Variants in CTH observed in about 807,000 individuals in gnomAD.
The protein encoded by CTH is cystathionine gamma-lyase.
Under a neutral mutation model 50.6 loss-of-function variants are expected in CTH, and 41 were observed. That is an observed-to-expected ratio of 0.81 (90% CI 0.63 to 1.05). CTH has a LOEUF of 1.05. Among genes scored for constraint, CTH ranks in the 50% least tolerant of loss-of-function variants. The pLI, the probability that CTH is intolerant of heterozygous loss-of-function variation, is 0.00. For missense variants in CTH, 470 were observed against 492.6 expected (o/e 0.95, Z 0.43); for synonymous variants, 156 against 168.9 (o/e 0.92, Z 0.59).
chr1:70,433,683 C>A lies in CTH; in HGVS notation c.878-145C>A, dbSNP rs1370848464. 3.1e-6 allele frequency: 4 copies of A among 1,295,600 alleles called. No homozygotes were observed. In the African/African-American group the frequency reaches 4.4e-5, roughly 14 times the overall value. 80.3% of individuals were successfully genotyped at this position (1,295,600 alleles called of 1,614,324 possible). A position where few individuals can be genotyped will look rare whatever the true frequency, so the allele number is the denominator to read the frequency against. On this transcript the variant is annotated intron_variant, in intron 8 of 11. Coordinates refer to ENST00000370938, the MANE Select transcript of CTH (RefSeq NM_001902.6). ...ACATGAAGCTGGAGAGATAGGGGCC[C>A]AAGCAAGTAGTCAGATGTGAGCATG...
chr1:70,411,412 C>A lies in CTH; in HGVS notation c.-4C>A, dbSNP rs1683958601. On this transcript the variant is annotated 5_prime_UTR_variant, in exon 1 of 12. Transcript: ENST00000370938. ...TTTCCTCTCTTCTTCTTTCGCGGTTCAGCATGCAGGAAAAAGACGCCTCCT... is the reference window on the plus strand; with the variant it reads ...TTTCCTCTCTTCTTCTTTCGCGGTTAAGCATGCAGGAAAAAGACGCCTCCT... The A allele has an allele frequency of 6.2e-7, 1 of 1,614,000 alleles. No homozygotes were observed. Among genetic ancestry groups the A allele is most frequent in the Non-Finnish European group, 8.5e-7 (1 of 1,179,844 alleles).
Position 70,433,796 on chromosome 1 carries a change from A to G in CTH, c.878-32A>G, listed in dbSNP as rs367695849. The G allele has an allele frequency of 1.7e-5, 27 of 1,611,174 alleles. No individual in the cohort carries two copies. The South Asian group carries it at 2.9e-4, about 17-fold the overall frequency. On this transcript the variant is annotated intron_variant, in intron 8 of 11. Transcript: ENST00000370938. ...CCCCAAAAATTACATGTTTAATTCT[A>G]AAATAAGACTTATGATACCTTATGA...
intron 10 of CTH, 144 bp from the exon 11 acceptor site, chr1:70,438,544 T>G (rs534512761): frequency 2.5e-6 from 2 of 811,788 alleles, no homozygotes; most frequent in East Asian, 5.2e-5. Flanking sequence ...TAATTTTCTC[T>G]TTTTTTGCCT....
intron 2 of CTH, among the ~76,000 whole-genome samples, chr1:70,416,567 T>A (rs560349018): frequency 6.7e-6 from 1 of 149,180 alleles, no homozygotes; most frequent in Non-Finnish European, 1.5e-5. Context: ...TAATTTTTTT[T>A]TTTTTTTTTT....
intron 3 of CTH, 86 bp from the exon 4 acceptor site, chr1:70,421,480 T>C: frequency 7.2e-7 from 1 of 1,388,638 alleles, no homozygotes; most frequent in Admixed American, 1.7e-5. Context: ...GAGTTCCATA[T>C]ATTTTGTAAG....
intron 1 of CTH, among the ~76,000 whole-genome samples, chr1:70,415,097 G>A (rs183436677): frequency 2.0e-4 from 30 of 152,276 alleles, no homozygotes; most frequent in African/African-American, 7.0e-4. Flanking sequence ...ACTTCCTGTT[G>A]TATGCTAAAT....
At chr1:70,422,681 A>C (rs1684252030) in intron 4 of CTH, among the ~76,000 whole-genome samples, 1 of 140,314 alleles carries the variant, frequency 7.1e-6, no homozygotes, top group Non-Finnish European at 1.5e-5. Context: ...GCGCAATCCC[A>C]GCTCACTGCA....
chr1:70,423,304 G>A (rs962897949), intron 4 of CTH, among the ~76,000 whole-genome samples: 1 of 151,880 alleles, frequency 6.6e-6, no homozygotes, highest in Non-Finnish European at 1.5e-5. Context: ...GGGCACAGTG[G>A]CTCATGCCTG....
At chr1:70,439,017 T>A in intron 11 of CTH, 84 bp from the exon 12 acceptor site, 1 of 1,525,148 alleles carries the variant, frequency 6.6e-7, no homozygotes, top group Non-Finnish European at 9.1e-7. Context: ...AGGATGGTAG[T>A]ATTCAGAAAA....
intron 10 of CTH, among the ~76,000 whole-genome samples, chr1:70,436,149 A>G (rs1684593343): frequency 1.9e-5 from 2 of 106,606 alleles, no homozygotes; most frequent in South Asian, 2.6e-4. Flanking sequence ...TGTCTCTCCT[A>G]AAAAAAAAAA....
At chr1:70,432,598 A>C (rs980522329) in intron 8 of CTH, among the ~76,000 whole-genome samples, 1 of 151,350 alleles carries the variant, frequency 6.6e-6, no homozygotes, top group African/African-American at 2.4e-5. Context: ...ATTCAGCATT[A>C]GCTGTCACTT....
At chr1:70,438,949 G>A (rs1684660407) in intron 11 of CTH, 123 bp downstream of exon 11, 2 of 1,587,316 alleles carry the variant, frequency 1.3e-6, no homozygotes, top group Non-Finnish European at 1.7e-6. Context: ...TTCTGTTCCT[G>A]TAATAGACCA....
At chr1:70,426,764 G>T (rs1246553554) in intron 5 of CTH, among the ~76,000 whole-genome samples, 1 of 152,130 alleles carries the variant, frequency 6.6e-6, no homozygotes, top group Non-Finnish European at 1.5e-5. Context: ...GGTTTTCAGT[G>T]TAAGATTCCT....
In CTH at chr1:70,429,906, G is replaced by A; in HGVS notation, c.646+55G>A. The A allele has an allele frequency of 2.3e-6, 3 of 1,323,276 alleles. No individual in the cohort carries two copies. In the South Asian group the frequency reaches 3.5e-5, roughly 16 times the overall value. The allele number at this position is 1,323,276 out of a possible 1,614,324, so 82.0% of individuals were successfully genotyped here. A position where few individuals can be genotyped will look rare whatever the true frequency, so the allele number is the denominator to read the frequency against. ...CATGGATAGGTGAAAATTGCATAGGGCTTGGCTTTTGATCCCTTTTCTTTG... is the reference window on the plus strand; with the variant it reads ...CATGGATAGGTGAAAATTGCATAGGACTTGGCTTTTGATCCCTTTTCTTTG... On this transcript the variant is annotated intron_variant, in intron 6 of 11. Transcript: ENST00000370938.
In CTH at chr1:70,411,570, C is replaced by G; in HGVS notation, c.155C>G (p.Pro52Arg). 2 of 1,613,804 alleles carry G rather than the reference C, an allele frequency of 1.2e-6. No individual in the cohort carries two copies. The highest frequency in any genetic ancestry group is 1.7e-6 in the Non-Finnish European group (2 of 1,179,770). The change falls in exon 1 of 12, where the codon CCT becomes CGT. Residue 52 changes from proline (P) to arginine (R), a missense_variant. Coordinates refer to ENST00000370938, the MANE Select transcript of CTH (RefSeq NM_001902.6). ...SLSTTFKQGA[P>R]GQHSGFEYSR... ...TCCACCACGTTCAAGCAAGGGGCGC[C>G]TGGCCAGCACTCGGTGAGCTGGGTC...
chr1:70,420,999 C>A (rs969650608), intron 3 of CTH, among the ~76,000 whole-genome samples: 8 of 151,826 alleles, frequency 5.3e-5, no homozygotes, highest in Non-Finnish European at 1.2e-4. Context: ...GTGTAAAAAT[C>A]AAATCTAGGT....
At chr1:70,420,298 G>A (rs563744625) in intron 3 of CTH, among the ~76,000 whole-genome samples, 1 of 152,238 alleles carries the variant, frequency 6.6e-6, no homozygotes, top group African/African-American at 2.4e-5. Flanking sequence ...CGGCCTCAGG[G>A]ACTGGTTTTG....
intron 7 of CTH, among the ~76,000 whole-genome samples, chr1:70,430,645 G>A (rs1239014327): frequency 2.0e-5 from 3 of 151,530 alleles, no homozygotes; most frequent in Non-Finnish European, 4.4e-5. Context: ...GGGTTCAAGC[G>A]ATTCTCCTGC....
intron 1 of CTH, among the ~76,000 whole-genome samples, chr1:70,414,944 C>T (rs533712296): frequency 3.9e-4 from 60 of 152,182 alleles, no homozygotes; most frequent in African/African-American, 1.2e-3. Flanking sequence ...CTCAGCCTCC[C>T]GAGTAGCTGG....
Sources: allele counts gnomAD v4.1 joint callset (sites outside exome capture counted in the v4.1 genomes callset), GRCh38; gene constraint gnomAD v4.1.1; transcripts MANE v1.5; gene names NCBI Gene and HGNC (gene_info 2026-07-23, HGNC 2026-07-21).